The following DOCK9 variants were observed in gnomAD, a reference collection of about 807,000 sequenced individuals.
DOCK9 encodes dedicator of cytokinesis 9, also known as dedicator of cytokinesis protein 9.
A neutral mutation model predicts 263.3 loss-of-function variants in DOCK9; 89 were observed. The ratio of observed to expected loss-of-function variants is 0.34; its 90% CI spans 0.28 to 0.40. The LOEUF (loss-of-function observed/expected upper bound fraction) is 0.40, where lower values mean the gene tolerates loss of function less well. Among genes scored for constraint, DOCK9 ranks in the 10% least tolerant of loss-of-function variants. The probability of loss-of-function intolerance (pLI) is 1.00; values close to 1 mark genes in which losing one functional copy is unlikely to be tolerated. For missense variants in DOCK9, 2,140 were observed against 2,603.4 expected, an observed-to-expected ratio of 0.82 and a Z score of 3.87; for synonymous variants, 976 against 973.1, an observed-to-expected ratio of 1.00 and a Z score of -0.06.
chr13:98,926,009 C>A (rs926500247), intron 3 of DOCK9, 90 bp from the exon 4 acceptor site: 2 of 1,091,974 alleles, frequency 1.8e-6, no homozygotes, highest in African/African-American at 3.2e-5. Context: ...AAGGCATACC[C>A]ATAGAAACAT....
rs776287236 is a variant in DOCK9, at chr13:98,883,090, G to A, written c.2511C>T (p.Thr837=). 2.9e-5 allele frequency: 47 copies of A among 1,613,842 alleles called. No homozygotes were observed. The highest frequency in any genetic ancestry group is 1.7e-4 in the Middle Eastern group (1 of 6,060). Residue 837 remains threonine (T), a synonymous_variant, in exon 23 of 53, where the codon ACC becomes ACT. Coordinates refer to ENST00000682017, the MANE Select transcript of DOCK9 (RefSeq NM_001366683.2). The stretch of plus-strand genomic sequence containing the variant: ...TTCCTAAGGCTTGGGCTCCAGATTC[G>A]GTTTTCTGACAGTACTGGAAAAAAT... ...LHNFFQYCQK[T]ESGAQALGNE... is the part of the protein sequence containing the mutation.
chr13:98,862,431 G>C (rs927881977), intron 32 of DOCK9, among the ~76,000 whole-genome samples: 1 of 152,174 alleles, frequency 6.6e-6, no homozygotes, highest in Non-Finnish European at 1.5e-5. Flanking sequence ...GCTCACGTCT[G>C]TAATCCCAGA....
chr13:98,881,694 GC>G, intron 24 of DOCK9, 67 bp from the exon 25 acceptor site: 1 of 1,464,652 alleles, frequency 6.8e-7, no homozygotes, highest in Non-Finnish European at 9.4e-7. Context: ...TATTATCACA[GC>G]AGTAGTAGAA....
intron 1 of DOCK9, among the ~76,000 whole-genome samples, chr13:99,042,890 G>T (rs1189550876): frequency 6.6e-6 from 1 of 152,026 alleles, no homozygotes; most frequent in Non-Finnish European, 1.5e-5. Context: ...CAGATCTTTT[G>T]CCATGTAGCC....
At chr13:99,033,206 C>A (rs185482862) in intron 1 of DOCK9, among the ~76,000 whole-genome samples, 9 of 152,318 alleles carry the variant, frequency 5.9e-5, no homozygotes, top group African/African-American at 1.9e-4. Context: ...GCATATCATT[C>A]AGGCAGGACC....
chr13:98,951,197 T>C (rs1178374847), intron 2 of DOCK9, among the ~76,000 whole-genome samples: 1 of 152,168 alleles, frequency 6.6e-6, no homozygotes, highest in Non-Finnish European at 1.5e-5. Flanking sequence ...TATTAATCAC[T>C]AGGAAAAAAT....
rs1201918449 is a variant in DOCK9 at position 98,884,990 on chromosome 13, T to C, written c.2363A>G (p.Gln788Arg). Residue 788 changes from glutamine to arginine, a missense_variant, in exon 21 of 53, where the codon CAG becomes CGG. Physicochemically the swap from Gln to Arg is conservative, Grantham distance 43. Around this residue, in one of 2 missense-constraint regions of DOCK9, gnomAD observed 1,521 missense variants for 1,741.7 expected, o/e 0.87. Coordinates refer to ENST00000682017, the MANE Select transcript of DOCK9 (RefSeq NM_001366683.2). Reference sequence around the variant, plus strand: ...ACATACCCTGCCCATCCCAAGCTCCTGGTAGCCAAGATAGCCCGAAGGAAG... The same window carrying C: ...ACATACCCTGCCCATCCCAAGCTCCCGGTAGCCAAGATAGCCCGAAGGAAG... ...ANLPSGYLGYQELGMGRHYGP... is the reference protein window; with the variant it reads ...ANLPSGYLGYRELGMGRHYGP... 6.2e-7 allele frequency: 1 copy of C among 1,613,634 alleles called. No homozygotes were observed.
Position 98,896,492 on chromosome 13 carries a change from A to C in DOCK9, c.1709+996T>G, listed in dbSNP as rs572888451. On this transcript the variant is annotated intron_variant, in intron 15 of 52. Transcript: ENST00000682017. ...AAGATTGCTATTTTGATATGCACAA[A>C]AAAAAAAAAAAACAAGGATACCTTT... Among the ~76,000 whole-genome samples the C allele has an allele frequency of 1.7e-3, 260 of 151,450 alleles. 7 individuals carry two copies. The South Asian group carries it at 0.044, about 26-fold the overall frequency.
intron 49 of DOCK9, among the ~76,000 whole-genome samples, chr13:98,803,609 T>G (rs2140054396): frequency 6.6e-6 from 1 of 152,300 alleles, no homozygotes; most frequent in South Asian, 2.1e-4. Context: ...ACTTAAAGGG[T>G]CAGAAGGAAA....
In DOCK9 at chr13:98,805,022, C is replaced by T. The variant is rs772265136; in HGVS notation, c.5702G>A (p.Cys1901Tyr). ...ACCTGTCAGGATGGTGCGCCGTTTG[C>T]ACTGCTCTTCCACCCCGCCCTGCCT... ...GKRQGGVEEQ[C>Y]KRRTILTAIH... Residue 1901 changes from cysteine to tyrosine, a missense_variant, in exon 49 of 53, where the codon TGC becomes TAC. Physicochemically the swap from Cys to Tyr is radical, Grantham distance 194 (BLOSUM62 -2). Around this residue, in one of 2 missense-constraint regions of DOCK9, gnomAD observed 619 missense variants for 861.8 expected, o/e 0.72. Coordinates refer to ENST00000682017, the MANE Select transcript of DOCK9 (RefSeq NM_001366683.2). The T allele has an allele frequency of 5.0e-6, 8 of 1,608,254 alleles. No individual in the cohort carries two copies. Among genetic ancestry groups the T allele is most frequent in the Non-Finnish European group, 8.5e-7 (1 of 1,177,442 alleles).
At chr13:98,874,451 A>G (rs2142332934) in intron 27 of DOCK9, among the ~76,000 whole-genome samples, 1 of 152,280 alleles carries the variant, frequency 6.6e-6, no homozygotes, top group East Asian at 1.9e-4. Context: ...TACTGTGCAC[A>G]TTTGCATTTA....
chr13:98,799,810 A>G (rs1337790593), intron 50 of DOCK9, among the ~76,000 whole-genome samples: 2 of 152,248 alleles, frequency 1.3e-5, no homozygotes, highest in Non-Finnish European at 2.9e-5. Context: ...GAACATAAAA[A>G]TGCTACCAAT....
intron 1 of DOCK9, among the ~76,000 whole-genome samples, chr13:98,959,838 A>T (rs145182053): frequency 1.1e-3 from 163 of 152,328 alleles, no homozygotes; most frequent in African/African-American, 3.7e-3. Flanking sequence ...GTATCTACCA[A>T]ATTGTGGGTT....
chr13:99,052,372 C>T (rs2040736138), intron 1 of DOCK9, among the ~76,000 whole-genome samples: 1 of 152,174 alleles, frequency 6.6e-6, no homozygotes, highest in African/African-American at 2.4e-5. Flanking sequence ...TCTCCCTGAC[C>T]TCAGCTCCCC....
chr13:98,800,160 G>C, intron 50 of DOCK9, 128 bp downstream of exon 50: 1 of 1,002,542 alleles, frequency 1.0e-6, no homozygotes. Flanking sequence ...CAGACGTTGG[G>C]GGAAGGGAGC....
chr13:98,935,213 T>A (rs1850314649), intron 2 of DOCK9, among the ~76,000 whole-genome samples: 1 of 152,160 alleles, frequency 6.6e-6, no homozygotes, highest in Non-Finnish European at 1.5e-5. Context: ...AACATGGAGA[T>A]AAACTTGCCC....
At chr13:99,087,167 C>T (rs1385208037), upstream of DOCK9, among the ~76,000 whole-genome samples, 6 of 152,172 alleles carry the variant, frequency 3.9e-5, no homozygotes, top group East Asian at 9.8e-4. Context: ...CGTCCCTGCT[C>T]GGAACCTGGC....
At chr13:99,012,261 A>G (rs1353373495) in intron 1 of DOCK9, among the ~76,000 whole-genome samples, 1 of 152,204 alleles carries the variant, frequency 6.6e-6, no homozygotes, top group Non-Finnish European at 1.5e-5. Flanking sequence ...GGCAAGAAAA[A>G]AATCACAAAG....
chr13:98,986,811 C>T (rs1167206351), intron 1 of DOCK9, among the ~76,000 whole-genome samples: 3 of 152,086 alleles, frequency 2.0e-5, no homozygotes, highest in Non-Finnish European at 4.4e-5. Context: ...AACTTTTCCC[C>T]CTGGGTGCTT....
Sources: allele counts gnomAD v4.1 joint callset (sites outside exome capture counted in the v4.1 genomes callset), GRCh38; gene constraint gnomAD v4.1.1; regional missense constraint gnomAD v4.1.1; transcripts MANE v1.5; gene names NCBI Gene and HGNC (gene_info 2026-07-23, HGNC 2026-07-21).